EFCAB6: variants seen among roughly 807,000 people sequenced by gnomAD.
EFCAB6 encodes EF-hand calcium binding domain 6, also known as EF-hand calcium-binding domain-containing protein 6.
In EFCAB6, 156 loss-of-function variants were observed where a neutral mutation model predicts 169.8. That is an observed-to-expected ratio of 0.92 (90% confidence interval 0.81 to 1.05). The LOEUF is 1.05. Among genes scored for constraint, EFCAB6 ranks in the 50% least tolerant of loss-of-function variants. EFCAB6 has a pLI of 0.00. For missense variants in EFCAB6, 1,800 were observed against 1,829.1 expected, an observed-to-expected ratio of 0.98 and a Z score of 0.29; for synonymous variants, 698 against 676.4, an observed-to-expected ratio of 1.03 and a Z score of -0.50.
chr22:43,788,723 C>T (rs771782026), intron 2 of EFCAB6, among the ~76,000 whole-genome samples: 1 of 152,160 alleles, frequency 6.6e-6, no homozygotes, highest in Non-Finnish European at 1.5e-5. Flanking sequence ...CAATTTCACT[C>T]CCAGGTATAT....
intron 27 of EFCAB6, among the ~76,000 whole-genome samples, chr22:43,543,024 A>C (rs1303939455): frequency 6.6e-6 from 1 of 152,152 alleles, no homozygotes; most frequent in Non-Finnish European, 1.5e-5. Flanking sequence ...CGATGTAGAA[A>C]AGTGGCAACA....
intron 2 of EFCAB6, among the ~76,000 whole-genome samples, chr22:43,801,490 A>G (rs2062712219): frequency 6.6e-6 from 1 of 152,234 alleles, no homozygotes; most frequent in African/African-American, 2.4e-5. Context: ...GAAGCCCAAA[A>G]GAGAAATCTC....
chr22:43,748,336 A>G (rs893186046), intron 6 of EFCAB6, among the ~76,000 whole-genome samples: 5 of 152,114 alleles, frequency 3.3e-5, no homozygotes, highest in Non-Finnish European at 7.4e-5. Context: ...ATCTGTCCCA[A>G]CTTGCCTTGA....
intron 3 of EFCAB6, among the ~76,000 whole-genome samples, chr22:43,777,993 T>C (rs958220743): frequency 6.6e-6 from 1 of 152,158 alleles, no homozygotes; most frequent in African/African-American, 2.4e-5. Context: ...ACTGTCACCC[T>C]AACAATGAGA....
At chr22:43,635,746 G>C (rs910824022) in intron 17 of EFCAB6, among the ~76,000 whole-genome samples, 2 of 152,146 alleles carry the variant, frequency 1.3e-5, no homozygotes, top group Admixed American at 6.5e-5. Context: ...TCCACTTGCT[G>C]AAAGTTATCC....
intron 27 of EFCAB6, 124 bp from the exon 28 acceptor site, chr22:43,540,481 G>T: frequency 2.6e-6 from 4 of 1,542,260 alleles, no homozygotes; most frequent in East Asian, 2.4e-5. Flanking sequence ...GACTGGTGAA[G>T]AAGAAAATTA....
intron 26 of EFCAB6, among the ~76,000 whole-genome samples, chr22:43,571,957 T>TA (rs1478859983): frequency 2.0e-5 from 3 of 152,178 alleles, no homozygotes; most frequent in Non-Finnish European, 4.4e-5. Flanking sequence ...GCTCAGGTGT[T>TA]AGCTTCTCGG....
At chr22:43,800,043 G>C (rs899670507) in intron 2 of EFCAB6, among the ~76,000 whole-genome samples, 1 of 152,200 alleles carries the variant, frequency 6.6e-6, no homozygotes. Context: ...GAGGTAAAGA[G>C]GGGGAGGTGG....
intron 17 of EFCAB6, among the ~76,000 whole-genome samples, chr22:43,663,553 A>G (rs1469492643): frequency 2.6e-5 from 4 of 152,248 alleles, no homozygotes; most frequent in Non-Finnish European, 4.4e-5. Context: ...GATGGTCACA[A>G]GAAGACTTTC....
At chr22:43,615,510 G>A (rs763063568) in intron 21 of EFCAB6, among the ~76,000 whole-genome samples, 6 of 152,196 alleles carry the variant, frequency 3.9e-5, no homozygotes, top group Middle Eastern at 3.4e-3. Flanking sequence ...CAGTTTTTCC[G>A]TTAAAGTAAT....
chr22:43,776,790 C>T (rs2061655456), intron 3 of EFCAB6, among the ~76,000 whole-genome samples: 1 of 152,126 alleles, frequency 6.6e-6, no homozygotes, highest in African/African-American at 2.4e-5. Context: ...GCTTCAGGCA[C>T]CTGCAGAAAG....
chr22:43,721,398 C>CA (rs2059520590), intron 8 of EFCAB6, among the ~76,000 whole-genome samples: 1 of 151,920 alleles, frequency 6.6e-6, no homozygotes, highest in Non-Finnish European at 1.5e-5. Flanking sequence ...TATGGAACAA[C>CA]AAACAAAACA....
intron 22 of EFCAB6, among the ~76,000 whole-genome samples, chr22:43,604,989 G>C (rs1041529576): frequency 6.6e-6 from 1 of 152,132 alleles, no homozygotes; most frequent in Non-Finnish European, 1.5e-5. Context: ...TTCTAGCAAA[G>C]TTTGTTTTAG....
intron 13 of EFCAB6, among the ~76,000 whole-genome samples, chr22:43,675,557 A>G (rs996294080): frequency 6.9e-6 from 1 of 144,692 alleles, no homozygotes; most frequent in African/African-American, 2.5e-5. Flanking sequence ...AAATGTCTAT[A>G]TATATCCAGA....
chr22:43,601,374 C>T (rs1345235072), intron 22 of EFCAB6, among the ~76,000 whole-genome samples: 1 of 152,210 alleles, frequency 6.6e-6, no homozygotes, highest in African/African-American at 2.4e-5. Flanking sequence ...AGATCTTGGT[C>T]CTCATCTAAT....
intron 7 of EFCAB6, among the ~76,000 whole-genome samples, chr22:43,732,955 C>G (rs35290335): frequency 0.23 from 34,558 of 152,030 alleles, 5,172 homozygotes; most frequent in East Asian, 0.62. Context: ...CTATAATTAT[C>G]TAATCTCATA....
chr22:43,680,427 TC>T (rs1392759789), intron 12 of EFCAB6, among the ~76,000 whole-genome samples: 4 of 151,902 alleles, frequency 2.6e-5, no homozygotes, highest in African/African-American at 9.7e-5. Context: ...TGGCTGTTCT[TC>T]CACCTTTGTA....
chr22:43,712,211 G>A (rs564284331), intron 9 of EFCAB6, among the ~76,000 whole-genome samples: 25 of 152,252 alleles, frequency 1.6e-4, no homozygotes, highest in Non-Finnish European at 3.5e-4. Context: ...GTTAACCACT[G>A]ATTTTTATAT....
chr22:43,689,349 G>GCACAAACACACACA (rs375566793), intron 10 of EFCAB6, among the ~76,000 whole-genome samples: 9 of 147,070 alleles, frequency 6.1e-5, no homozygotes, highest in South Asian at 4.4e-4. Flanking sequence ...GAGAGCACGT[G>GCACAAACACACACA]CACACACACA....
Sources: gnomAD v4.1 joint callset for allele counts (sites outside exome capture counted in the v4.1 genomes callset) on GRCh38, gnomAD v4.1.1 for gene constraint, MANE v1.5 for transcripts, NCBI Gene and HGNC (gene_info 2026-07-23, HGNC 2026-07-21) for gene names.